The following CSMD2 variants were observed in gnomAD, a reference collection of about 807,000 sequenced individuals.
The protein encoded by CSMD2 is CUB and sushi domain-containing protein 2.
A neutral mutation model predicts 398.5 loss-of-function variants in CSMD2; 130 were observed. That is an observed-to-expected ratio of 0.33 (90% CI 0.28 to 0.38). CSMD2 has a LOEUF of 0.38. Ranked by LOEUF, CSMD2 falls within the 10% of genes least tolerant of loss-of-function variation. The pLI is 1.00. For missense variants in CSMD2, 3,829 were observed against 4,764.9 expected, an observed-to-expected ratio of 0.80 and a Z score of 5.78; for synonymous variants, 1,828 against 1,908.5, an observed-to-expected ratio of 0.96 and a Z score of 1.10.
chr1:34,026,078 T>C (rs749265621), intron 3 of CSMD2, among the ~76,000 whole-genome samples: 4 of 152,232 alleles, frequency 2.6e-5, no homozygotes, highest in Non-Finnish European at 5.9e-5. Context: ...CCAGGTCCCA[T>C]ACTGAGCACA....
At chr1:33,984,543 C>A (rs1646283001) in intron 3 of CSMD2, among the ~76,000 whole-genome samples, 1 of 152,116 alleles carries the variant, frequency 6.6e-6, no homozygotes. Flanking sequence ...CTCACGCCTG[C>A]GCTTTGGGAG....
chr1:33,662,780 A>G, intron 26 of CSMD2, 110 bp downstream of exon 26: 2 of 1,006,156 alleles, frequency 2.0e-6, no homozygotes, highest in Non-Finnish European at 3.1e-6. Context: ...GCAGATGTTC[A>G]ATAACTATCT....
At chr1:33,531,708 C>T (rs982654888) in intron 64 of CSMD2, among the ~76,000 whole-genome samples, 3 of 152,076 alleles carry the variant, frequency 2.0e-5, no homozygotes, top group Admixed American at 6.6e-5. Context: ...GGAAATAAGC[C>T]AGACACAAAA....
chr1:33,977,898 T>C (rs1173417821), intron 3 of CSMD2, among the ~76,000 whole-genome samples: 2 of 152,138 alleles, frequency 1.3e-5, no homozygotes, highest in South Asian at 4.1e-4. Flanking sequence ...TATAAACTAC[T>C]GAAAGAGTCA....
chr1:33,592,425 C>T, intron 44 of CSMD2: 1 of 716,316 alleles, frequency 1.4e-6, no homozygotes, highest in Non-Finnish European at 2.6e-6. Flanking sequence ...GTCCAAGCTT[C>T]TGTGGCTGGG....
At chr1:33,558,005 C>A in intron 54 of CSMD2, 83 bp from the exon 55 acceptor site, 2 of 1,291,956 alleles carry the variant, frequency 1.5e-6, no homozygotes, top group Non-Finnish European at 2.1e-6. Context: ...TGAAGCAGAC[C>A]CTGTCGGGAG....
At position 33,557,766 on chromosome 1, in the gene CSMD2, C is replaced by G; in HGVS notation, c.8711G>C (p.Gly2904Ala). 1 of 1,536,052 alleles carries G rather than the reference C, an allele frequency of 6.5e-7. No homozygotes were observed. Among genetic ancestry groups the G allele is most frequent in the Non-Finnish European group, 8.7e-7 (1 of 1,146,882 alleles). Reference sequence around the variant, plus strand: ...CTGGGGGCGGGGACGGTCCCATGTGCCATCTCCCTGGCAGCTGAGCACTGG... The same window carrying G: ...CTGGGGGCGGGGACGGTCCCATGTGGCATCTCCCTGGCAGCTGAGCACTGG... Reference protein sequence around the residue: ...GTPVLSCQGDGTWDRPRPQCL... With the variant: ...GTPVLSCQGDATWDRPRPQCL... The change falls in exon 55 of 71, where the codon GGC (glycine) becomes GCC (alanine). Residue 2904 changes from glycine (G) to alanine (A), a missense_variant. Gly to Ala is a moderately conservative substitution (Grantham distance 60, BLOSUM62 0). Around this residue, in one of 5 missense-constraint regions of CSMD2, gnomAD observed 917 missense variants for 1,199.5 expected, o/e 0.76. Transcript: ENST00000373381.
intron 44 of CSMD2, among the ~76,000 whole-genome samples, chr1:33,588,866 G>A (rs1403342408): frequency 6.6e-6 from 1 of 152,136 alleles, no homozygotes; most frequent in Non-Finnish European, 1.5e-5. Context: ...ACAGCATGGA[G>A]TGACACCTCA....
chr1:33,550,905 T>C (rs1657385917), intron 55 of CSMD2, among the ~76,000 whole-genome samples: 1 of 152,180 alleles, frequency 6.6e-6, no homozygotes, highest in Non-Finnish European at 1.5e-5. Context: ...AGAATTGAGA[T>C]GTCTAGGCAA....
At chr1:33,770,147 A>G (rs1651066323) in intron 13 of CSMD2, among the ~76,000 whole-genome samples, 2 of 152,232 alleles carry the variant, frequency 1.3e-5, no homozygotes, top group South Asian at 4.1e-4. Context: ...TGTGAGGACT[A>G]TTCATGTCAT....
chr1:33,700,385 G>T, intron 23 of CSMD2, 132 bp downstream of exon 23: 1 of 875,430 alleles, frequency 1.1e-6, no homozygotes, highest in Non-Finnish European at 1.8e-6. Context: ...ATCCACTGAT[G>T]GATACATATT....
chr1:34,052,168 T>TACAC (rs35006153), intron 2 of CSMD2, among the ~76,000 whole-genome samples: 8,659 of 146,936 alleles, frequency 0.059, 337 homozygotes, highest in East Asian at 0.18. Context: ...AGCATATGTA[T>TACAC]ACACACACAC....
chr1:33,886,425 G>T (rs1010738065), intron 5 of CSMD2, among the ~76,000 whole-genome samples: 1 of 152,194 alleles, frequency 6.6e-6, no homozygotes, highest in Non-Finnish European at 1.5e-5. Flanking sequence ...GAACTGGCAG[G>T]ACTTGGCAAC....
intron 3 of CSMD2, among the ~76,000 whole-genome samples, chr1:33,939,167 G>A (rs1387020178): frequency 6.6e-6 from 1 of 151,996 alleles, no homozygotes; most frequent in African/African-American, 2.4e-5. Context: ...CCACACTACT[G>A]GCTTACTTGG....
At chr1:33,601,042 A>C (rs371487123) in intron 43 of CSMD2, 32 bp from the exon 44 acceptor site, 2 of 1,613,088 alleles carry the variant, frequency 1.2e-6, no homozygotes, top group Non-Finnish European at 1.7e-6. Context: ...CTGGCATGTC[A>C]CTAGTCACCA....
chr1:33,630,493 CAG>C (rs1642405636), intron 32 of CSMD2, among the ~76,000 whole-genome samples: 2 of 152,152 alleles, frequency 1.3e-5, no homozygotes, highest in African/African-American at 4.8e-5. Context: ...AACTGAAGCT[CAG>C]AGAGGTCAAG....
rs755890533 is a variant in CSMD2 at position 33,716,397 on chromosome 1, A to G, written c.3106T>C (p.Ser1036Pro). ...GCGCTGATGGGAGCTGGCAGCCGAG[A>G]TCCAGTTAGCTGCCTCAGGGGCTGG... ...FTQPLRQLTG[S>P]RLPAPISAGL... The change falls in exon 20 of 71, where the codon TCT becomes CCT. Residue 1036 changes from serine (S) to proline (P), a missense_variant. By Grantham distance (74) the Ser-to-Pro change is moderately conservative. Coordinates refer to ENST00000373381, the MANE Select transcript of CSMD2 (RefSeq NM_001281956.2). 1.2e-6 allele frequency: 2 copies of G among 1,614,108 alleles called. No homozygotes were observed. The highest frequency in any genetic ancestry group is 1.7e-5 in the Admixed American group (1 of 60,024).
intron 25 of CSMD2, among the ~76,000 whole-genome samples, chr1:33,667,851 A>T (rs1324567455): frequency 6.6e-6 from 1 of 152,188 alleles, no homozygotes; most frequent in Non-Finnish European, 1.5e-5. Context: ...CATTCACTTA[A>T]GCGCCTCCCA....
intron 25 of CSMD2, among the ~76,000 whole-genome samples, chr1:33,677,875 G>T (rs370178935): frequency 6.8e-6 from 1 of 146,204 alleles, no homozygotes; most frequent in African/African-American, 2.5e-5. Context: ...ACCAAACACC[G>T]CATGTTCTCA....
Sources: gnomAD v4.1 joint callset for allele counts (sites outside exome capture counted in the v4.1 genomes callset) on GRCh38, gnomAD v4.1.1 for gene constraint, gnomAD v4.1.1 regional missense constraint, MANE v1.5 for transcripts, NCBI Gene and HGNC (gene_info 2026-07-23, HGNC 2026-07-21) for gene names.